CLIC6: variants seen among roughly 807,000 people sequenced by gnomAD.
CLIC6 encodes the protein CLIC family member 6, also known as chloride intracellular channel protein 6.
Under a neutral mutation model 49.2 loss-of-function variants are expected in CLIC6, and 39 were observed. That is an observed-to-expected ratio of 0.79 (90% CI 0.61 to 1.04). CLIC6 has a LOEUF of 1.04. CLIC6 is among the 50% of genes least tolerant of loss of function. The pLI, the probability that CLIC6 is intolerant of heterozygous loss-of-function variation, is 0.00. For missense variants in CLIC6, 988 were observed against 993.1 expected (o/e 0.99, Z 0.07); for synonymous variants, 446 against 433.4 (o/e 1.03, Z -0.36).
chr21:34,672,882 C>T (rs1989592066), intron 1 of CLIC6, among the ~76,000 whole-genome samples: 1 of 152,196 alleles, frequency 6.6e-6, no homozygotes, highest in Non-Finnish European at 1.5e-5. Flanking sequence ...AATTAGATTA[C>T]ACAAAGCACT....
At position 34,685,136 on chromosome 21, in the gene CLIC6, G is replaced by C. The variant is rs577984582; in HGVS notation, c.1374+14374G>C. ...GCTTTGGTGGGGTGGCAGGGTGGGGGGTGGTGTGTAGGATGCTGCAGTCCA... is the reference window on the plus strand; with the variant it reads ...GCTTTGGTGGGGTGGCAGGGTGGGGCGTGGTGTGTAGGATGCTGCAGTCCA... On this transcript the variant is annotated intron_variant, in intron 1 of 5. Coordinates refer to ENST00000349499, the MANE Select transcript of CLIC6 (RefSeq NM_053277.3). 4.6e-5 allele frequency among the ~76,000 whole-genome samples: 7 copies of C among 152,250 alleles called. 1 individual carries two copies. In the South Asian group the frequency reaches 1.5e-3, roughly 32 times the overall value.
chr21:34,707,436 T>TTCACACACACAC, intron 2 of CLIC6, 47 bp downstream of exon 2: 1 of 647,958 alleles, frequency 1.5e-6, no homozygotes. Flanking sequence ...CCTAGTTCTC[T>TTCACACACACAC]GCACACACAC....
At chr21:34,682,801 A>ATTTTTT (rs1172251761) in intron 1 of CLIC6, among the ~76,000 whole-genome samples, 11 of 69,302 alleles carry the variant, frequency 1.6e-4, no homozygotes, top group East Asian at 5.1e-4. Context: ...CTTTCCCTCC[A>ATTTTTT]TTTTTTTTTT....
At chr21:34,682,249 G>GTGA (rs2145801698) in intron 1 of CLIC6, among the ~76,000 whole-genome samples, 1 of 152,260 alleles carries the variant, frequency 6.6e-6, no homozygotes, top group African/African-American at 2.4e-5. Flanking sequence ...CTTCAAAGAG[G>GTGA]TGATACCATG....
At chr21:34,708,391 C>T (rs758501492) in intron 3 of CLIC6, among the ~76,000 whole-genome samples, 1 of 152,050 alleles carries the variant, frequency 6.6e-6, no homozygotes, top group Non-Finnish European at 1.5e-5. Flanking sequence ...TTTTGGACCT[C>T]GGGGGAGCTA....
chr21:34,697,208 C>A (rs1378214571), intron 1 of CLIC6, among the ~76,000 whole-genome samples: 1 of 145,762 alleles, frequency 6.9e-6, no homozygotes, highest in Non-Finnish European at 1.5e-5. Context: ...GGTTTGCCAC[C>A]TGTGCTACGC....
chr21:34,671,134 AAAAAAAAAG>A (rs1176257519), intron 1 of CLIC6, among the ~76,000 whole-genome samples: 2,683 of 112,432 alleles, frequency 0.024, 77 homozygotes, highest in African/African-American at 0.083. Flanking sequence ...AAAAAAAAAA[AAAAAAAAAG>A]AAGAAGAAGA....
intron 1 of CLIC6, among the ~76,000 whole-genome samples, chr21:34,704,557 G>A (rs1376485373): frequency 2.6e-5 from 4 of 152,284 alleles, no homozygotes; most frequent in Admixed American, 2.6e-4. Flanking sequence ...CCACAAAGGG[G>A]GAAATGTATA....
At chr21:34,713,320 G>A (rs2056068406) in intron 5 of CLIC6, among the ~76,000 whole-genome samples, 1 of 152,116 alleles carries the variant, frequency 6.6e-6, no homozygotes, top group Admixed American at 6.5e-5. Context: ...AAATCTCAAA[G>A]ACAAGACACA....
chr21:34,679,517 C>T (rs920146338), intron 1 of CLIC6, among the ~76,000 whole-genome samples: 1 of 152,182 alleles, frequency 6.6e-6, no homozygotes, highest in Non-Finnish European at 1.5e-5. Context: ...CAACAGTCTC[C>T]CCAAAGTCTT....
intron 1 of CLIC6, among the ~76,000 whole-genome samples, chr21:34,702,155 C>T (rs967343134): frequency 1.3e-5 from 2 of 152,134 alleles, no homozygotes; most frequent in African/African-American, 4.8e-5. Context: ...TCTAGGAACA[C>T]CCTGATGACC....
At position 34,683,210 on chromosome 21, in the gene CLIC6, A is replaced by G. The variant is rs1186447105; in HGVS notation, c.1374+12448A>G. Among the ~76,000 whole-genome samples the G allele has an allele frequency of 2.0e-5, 3 of 152,156 alleles. No individual in the cohort carries two copies. The East Asian group carries it at 5.8e-4, about 29-fold the overall frequency. On this transcript the variant is annotated intron_variant, in intron 1 of 5. Transcript: ENST00000349499. The stretch of plus-strand genomic sequence containing the variant: ...CATGGTAAGAATCCCTTTTCAAAAC[A>G]AAGTTTAAACTGTACAGACAGGAGG...
chr21:34,715,629 G>C (rs769184247), intron 5 of CLIC6, among the ~76,000 whole-genome samples: 1 of 152,204 alleles, frequency 6.6e-6, no homozygotes, highest in Non-Finnish European at 1.5e-5. Context: ...AGTCCCCAGT[G>C]TTCTGCACAT....
intron 5 of CLIC6, among the ~76,000 whole-genome samples, chr21:34,710,580 A>G (rs938621158): frequency 6.6e-6 from 1 of 152,302 alleles, no homozygotes; most frequent in East Asian, 1.9e-4. Flanking sequence ...TTGGGAGGCC[A>G]AGGCGGGCAG....
chr21:34,705,182 G>A lies in CLIC6; in HGVS notation c.1375-2098G>A, dbSNP rs370814700. On this transcript the variant is annotated intron_variant, in intron 1 of 5. Coordinates refer to ENST00000349499, the MANE Select transcript of CLIC6 (RefSeq NM_053277.3). ...CAAGTCGGGACTGGCCAAAACATGC[G>A]TCCTTGCACTTTCTTCTCCCCGCTC... Among the ~76,000 whole-genome samples, 125 of 152,288 alleles carry A rather than the reference G, an allele frequency of 8.2e-4. No individual in the cohort carries two copies. In the South Asian group the frequency reaches 8.5e-3, roughly 10 times the overall value.
At chr21:34,704,612 T>G (rs946425358) in intron 1 of CLIC6, among the ~76,000 whole-genome samples, 1 of 152,240 alleles carries the variant, frequency 6.6e-6, no homozygotes. Flanking sequence ...GAACAGATAT[T>G]GTCCCATCCT....
At chr21:34,688,127 T>C (rs984860602) in intron 1 of CLIC6, among the ~76,000 whole-genome samples, 2 of 152,348 alleles carry the variant, frequency 1.3e-5, no homozygotes, top group South Asian at 2.1e-4. Flanking sequence ...GTTTCCTTTA[T>C]AGACTTACAA....
intron 1 of CLIC6, among the ~76,000 whole-genome samples, chr21:34,698,529 T>G (rs1038511620): frequency 6.6e-6 from 1 of 150,710 alleles, no homozygotes; most frequent in African/African-American, 2.4e-5. Context: ...AAGCAAGGAA[T>G]GAAAGAGAAA....
intron 1 of CLIC6, among the ~76,000 whole-genome samples, chr21:34,680,014 G>T (rs746247261): frequency 3.3e-5 from 5 of 152,350 alleles, no homozygotes; most frequent in Non-Finnish European, 5.9e-5. Context: ...ACTAGGCAGT[G>T]CCCCAGTGGG....
Sources: allele counts gnomAD v4.1 joint callset (sites outside exome capture counted in the v4.1 genomes callset), GRCh38; gene constraint gnomAD v4.1.1; transcripts MANE v1.5; gene names NCBI Gene and HGNC (gene_info 2026-07-23, HGNC 2026-07-21).